REV3L: variants seen among roughly 807,000 people sequenced by gnomAD.
REV3L encodes the protein REV3 like, DNA directed polymerase zeta catalytic subunit.
Under a neutral mutation model 299.4 loss-of-function variants are expected in REV3L, and 69 were observed. That is an observed-to-expected ratio of 0.23 (90% CI 0.19 to 0.28). REV3L has a LOEUF of 0.28. Among genes scored for constraint, REV3L ranks in the 10% least tolerant of loss-of-function variants. The pLI is 1.00. For missense variants in REV3L, 3,128 were observed against 3,693.8 expected (o/e 0.85, Z 3.97); for synonymous variants, 1,238 against 1,271.4 (o/e 0.97, Z 0.56).
chr6:111,438,482 A>T (rs1013997363), intron 1 of REV3L, among the ~76,000 whole-genome samples: 1 of 151,288 alleles, frequency 6.6e-6, no homozygotes, highest in African/African-American at 2.4e-5. Flanking sequence ...ACCTGGCTTT[A>T]AACCCTGAAT....
rs1440816176 is a variant in REV3L at position 111,357,156 on chromosome 6, T to C, written c.7073-31A>G. The C allele has an allele frequency of 3.4e-5, 27 of 795,228 alleles. No homozygotes were observed. The Admixed American group carries it at 7.6e-4, about 22-fold the overall frequency. The allele number at this position is 795,228 out of a possible 1,614,324, so 49.3% of individuals were successfully genotyped here. Reference sequence around the variant, plus strand: ...AAACAAACAAAATGTCTATTATATATAACATTATATAATAATATACCTTCA... The same window carrying C: ...AAACAAACAAAATGTCTATTATATACAACATTATATAATAATATACCTTCA... On this transcript the variant is annotated intron_variant, in intron 17 of 31. Coordinates refer to ENST00000368802, the MANE Select transcript of REV3L (RefSeq NM_001372078.1).
chr6:111,333,013 T>G, intron 23 of REV3L, 110 bp downstream of exon 23: 1 of 1,259,294 alleles, frequency 7.9e-7, no homozygotes, highest in Non-Finnish European at 1.1e-6. Context: ...AGTCCATTTA[T>G]CTTGCTCATA....
chr6:111,474,395 T>C (rs1388522377), intron 1 of REV3L, among the ~76,000 whole-genome samples: 1 of 152,214 alleles, frequency 6.6e-6, no homozygotes, highest in Non-Finnish European at 1.5e-5. Context: ...AGGTGGCATG[T>C]TCCTTCGGCA....
intron 7 of REV3L, 114 bp downstream of exon 7, chr6:111,388,992 A>G: frequency 1.3e-6 from 1 of 741,836 alleles, no homozygotes; most frequent in Non-Finnish European, 2.3e-6. Context: ...TACATACAAA[A>G]TATAAAGGTC....
intron 26 of REV3L, among the ~76,000 whole-genome samples, chr6:111,321,951 T>A (rs533763609): frequency 1.7e-5 from 1 of 59,514 alleles, no homozygotes; most frequent in Non-Finnish European, 4.5e-5. Flanking sequence ...CTGAAAAATA[T>A]CACAGCAAGC....
intron 31 of REV3L, among the ~76,000 whole-genome samples, chr6:111,303,701 CTTTTTTTTTTTTTTTTTTTT>C (rs58366929): frequency 1.5e-3 from 19 of 12,642 alleles, no homozygotes; most frequent in Middle Eastern, 0.056. Context: ...CAGACTATGA[CTTTTTTTTTTTTTTTTTTTT>C]TTTTTTTTTT....
rs768444821 is a variant in REV3L, at chr6:111,381,384, A to G, written c.1157T>C (p.Met386Thr). The G allele has an allele frequency of 2.5e-6, 4 of 1,613,698 alleles. 1 individual carries two copies. In the South Asian group the frequency reaches 3.3e-5, roughly 13 times the overall value. ...LINEEAILNL[M>T]ENSQTFQPLT... ...AGGCTGAAAAGTCTGACTATTTTCC[A>G]TAAGGTTCAAAATTGCTTCTTCATT... The change falls in exon 10 of 32, where the codon ATG becomes ACG. Residue 386 changes from methionine to threonine, a missense_variant. By Grantham distance (81) the Met-to-Thr change is moderately conservative. This residue lies in a region of REV3L where 2,409 missense variants were observed against 2,611.8 expected (regional missense o/e 0.92). Coordinates refer to ENST00000368802, the MANE Select transcript of REV3L (RefSeq NM_001372078.1).
At chr6:111,324,901 G>A (rs535819679) in intron 25 of REV3L, among the ~76,000 whole-genome samples, 56 of 150,032 alleles carry the variant, frequency 3.7e-4, no homozygotes, top group African/African-American at 1.2e-3. Context: ...TCACTCTGTC[G>A]CCCAGGCTGG....
intron 21 of REV3L, among the ~76,000 whole-genome samples, chr6:111,337,759 C>G (rs1776061916): frequency 6.6e-6 from 1 of 151,876 alleles, no homozygotes; most frequent in Admixed American, 6.6e-5. Context: ...TTAATGTAAC[C>G]CCTCAACAAT....
At chr6:111,447,201 G>A (rs571994493) in intron 1 of REV3L, among the ~76,000 whole-genome samples, 7 of 152,136 alleles carry the variant, frequency 4.6e-5, no homozygotes, top group African/African-American at 1.7e-4. Context: ...ACTTAATACG[G>A]GTGGCTGCAA....
chr6:111,396,212 A>C (rs2128261606), intron 4 of REV3L, among the ~76,000 whole-genome samples: 1 of 152,098 alleles, frequency 6.6e-6, no homozygotes, highest in East Asian at 1.9e-4. Flanking sequence ...TTTTTTGTAG[A>C]GACAGGGTTT....
chr6:111,342,302 C>T (rs1370798356), intron 21 of REV3L, among the ~76,000 whole-genome samples: 2 of 152,112 alleles, frequency 1.3e-5, no homozygotes, highest in Non-Finnish European at 2.9e-5. Flanking sequence ...GGCCCAGGAC[C>T]TGCCAGTGGT....
At chr6:111,398,258 T>C (rs1242928476) in intron 4 of REV3L, among the ~76,000 whole-genome samples, 2 of 151,916 alleles carry the variant, frequency 1.3e-5, no homozygotes, top group African/African-American at 2.4e-5. Context: ...TAAAATAATA[T>C]ATAACTTATG....
At chr6:111,352,099 C>T (rs545841110) in intron 18 of REV3L, among the ~76,000 whole-genome samples, 4 of 151,888 alleles carry the variant, frequency 2.6e-5, no homozygotes, top group Non-Finnish European at 5.9e-5. Flanking sequence ...CTCTGCTTCC[C>T]AGGTTCAAAC....
At chr6:111,446,311 G>T (rs572836299) in intron 1 of REV3L, among the ~76,000 whole-genome samples, 17 of 152,292 alleles carry the variant, frequency 1.1e-4, no homozygotes, top group African/African-American at 3.4e-4. Context: ...GTACAAACTG[G>T]ATTGTTGAGA....
At chr6:111,329,454 T>C in intron 25 of REV3L, 78 bp downstream of exon 25, 1 of 1,348,272 alleles carries the variant, frequency 7.4e-7, no homozygotes, top group Non-Finnish European at 1.1e-6. Flanking sequence ...CCAAAGTAAC[T>C]GGGAATACAG....
intron 25 of REV3L, among the ~76,000 whole-genome samples, chr6:111,325,224 G>C (rs933997264): frequency 2.0e-5 from 3 of 152,090 alleles, no homozygotes; most frequent in African/African-American, 7.2e-5. Context: ...GACATAAAAA[G>C]GAAGAAATAA....
At chr6:111,417,094 A>G (rs931738850) in intron 1 of REV3L, among the ~76,000 whole-genome samples, 34 of 152,152 alleles carry the variant, frequency 2.2e-4, no homozygotes, top group Non-Finnish European at 3.4e-4. Flanking sequence ...TCTAAATTTT[A>G]TATTTGGTGG....
intron 2 of REV3L, among the ~76,000 whole-genome samples, chr6:111,415,640 A>G (rs1187725678): frequency 1.3e-5 from 2 of 152,130 alleles, no homozygotes; most frequent in Non-Finnish European, 2.9e-5. Context: ...TATCTCATTT[A>G]GTCCAACTCT....
Sources: gnomAD v4.1 joint callset for allele counts (sites outside exome capture counted in the v4.1 genomes callset) on GRCh38, gnomAD v4.1.1 for gene constraint, gnomAD v4.1.1 regional missense constraint, MANE v1.5 for transcripts, NCBI Gene and HGNC (gene_info 2026-07-23, HGNC 2026-07-21) for gene names.